PTPRK: variants seen among roughly 807,000 people sequenced by gnomAD.
PTPRK encodes receptor-type tyrosine-protein phosphatase kappa.
In PTPRK, 75 loss-of-function variants were observed where a neutral mutation model predicts 178.0. That is an observed-to-expected ratio of 0.42 (90% CI 0.35 to 0.51). PTPRK has a LOEUF of 0.51. Ranked by LOEUF, PTPRK falls within the 20% of genes least tolerant of loss-of-function variation. PTPRK has a pLI of 0.02. For synonymous variants in PTPRK, 637 were observed against 620.6 expected, an observed-to-expected ratio of 1.03 and a Z score of -0.39; for missense variants, 1,441 against 1,797.8, an observed-to-expected ratio of 0.80 and a Z score of 3.59.
At chr6:128,245,582 T>C (rs540068037) in intron 3 of PTPRK, among the ~76,000 whole-genome samples, 9 of 152,302 alleles carry the variant, frequency 5.9e-5, no homozygotes, top group East Asian at 1.9e-4. Context: ...TTTGTGACAA[T>C]TGATTTTACT....
chr6:128,303,078 C>T (rs1000481269), intron 3 of PTPRK, among the ~76,000 whole-genome samples: 3 of 152,204 alleles, frequency 2.0e-5, no homozygotes, highest in Non-Finnish European at 2.9e-5. Context: ...TGTCCGCCTT[C>T]CTTCCCTAAA....
chr6:128,069,583 A>G (rs1473166559), intron 11 of PTPRK, among the ~76,000 whole-genome samples: 1 of 152,212 alleles, frequency 6.6e-6, no homozygotes, highest in Non-Finnish European at 1.5e-5. Context: ...CCACATATGC[A>G]TATAAACTCC....
At chr6:128,014,951 T>C (rs1779441359) in intron 13 of PTPRK, among the ~76,000 whole-genome samples, 1 of 151,668 alleles carries the variant, frequency 6.6e-6, no homozygotes, top group Non-Finnish European at 1.5e-5. Context: ...GCTTTAACAG[T>C]AGTTGGAAAA....
chr6:128,176,901 C>T (rs560957288), intron 7 of PTPRK, among the ~76,000 whole-genome samples: 2 of 151,478 alleles, frequency 1.3e-5, no homozygotes, highest in Non-Finnish European at 3.0e-5. Flanking sequence ...CCCCAAAATG[C>T]TAATAATACC....
chr6:128,006,151 AAAAAT>A (rs971422673), intron 14 of PTPRK: 58 of 790,428 alleles, frequency 7.3e-5, no homozygotes, highest in African/African-American at 2.9e-4. Context: ...ATGTGCGTTA[AAAAAT>A]AAAATAAAAT....
Position 128,465,489 on chromosome 6 carries a change from TA to T in PTPRK, c.100+54769del, listed in dbSNP as rs541835992. Among the ~76,000 whole-genome samples the T allele has an allele frequency of 1.1e-3, 160 of 152,062 alleles. 1 individual carries two copies. Among genetic ancestry groups the T allele is most frequent in the African/African-American group, 3.4e-3 (140 of 41,498 alleles). On this transcript the variant is annotated intron_variant, in intron 1 of 29. Transcript: ENST00000368226. The stretch of plus-strand genomic sequence containing the variant: ...ACCAAATCTATTCATATACCATGTT[TA>T]AAAAAAATGTAAAAATTATGGAAAC...
At chr6:128,025,631 GGGCCC>G (rs1562456559) in intron 13 of PTPRK, among the ~76,000 whole-genome samples, 3 of 152,174 alleles carry the variant, frequency 2.0e-5, no homozygotes, top group Admixed American at 6.5e-5. Flanking sequence ...GGGAACTAGA[GGGCCC>G]CAAAGCAGTA....
At chr6:128,177,878 G>A (rs1277119444) in intron 7 of PTPRK, among the ~76,000 whole-genome samples, 1 of 151,600 alleles carries the variant, frequency 6.6e-6, no homozygotes, top group African/African-American at 2.4e-5. Context: ...ATATTCCCAT[G>A]AACCCCAGAG....
intron 6 of PTPRK, among the ~76,000 whole-genome samples, chr6:128,188,763 G>T (rs1803204426): frequency 6.6e-6 from 1 of 152,160 alleles, no homozygotes; most frequent in Admixed American, 6.6e-5. Context: ...GAGAAAATCA[G>T]TTGATTGAGT....
chr6:128,343,009 T>C (rs1179860526), intron 2 of PTPRK, among the ~76,000 whole-genome samples: 1 of 152,114 alleles, frequency 6.6e-6, no homozygotes, highest in Non-Finnish European at 1.5e-5. Flanking sequence ...GGGTAGAGAC[T>C]GCCTGAATTA....
intron 1 of PTPRK, among the ~76,000 whole-genome samples, chr6:128,411,856 G>T (rs916902281): frequency 1.3e-5 from 2 of 152,066 alleles, no homozygotes; most frequent in Non-Finnish European, 2.9e-5. Context: ...TTTATTTCTA[G>T]CCTTTCCCAC....
At chr6:128,264,085 G>A (rs1010026156) in intron 3 of PTPRK, among the ~76,000 whole-genome samples, 6 of 152,134 alleles carry the variant, frequency 3.9e-5, no homozygotes, top group African/African-American at 1.4e-4. Context: ...TGGCAGCAAA[G>A]CTAAAACATG....
intron 13 of PTPRK, among the ~76,000 whole-genome samples, chr6:128,056,110 T>C (rs1339202975): frequency 1.3e-5 from 2 of 151,784 alleles, no homozygotes; most frequent in Non-Finnish European, 2.9e-5. Flanking sequence ...AGCATAATAC[T>C]ATGGTTTTGG....
At chr6:128,287,654 T>C (rs993682888) in intron 3 of PTPRK, among the ~76,000 whole-genome samples, 8 of 152,138 alleles carry the variant, frequency 5.3e-5, no homozygotes, top group Non-Finnish European at 1.2e-4. Context: ...CCATTGCCCT[T>C]AACTTCTTGT....
At chr6:128,513,493 A>AAAAGAAAGAAAGAAAGAAAG (rs562818808) in intron 1 of PTPRK, among the ~76,000 whole-genome samples, 11 of 150,244 alleles carry the variant, frequency 7.3e-5, no homozygotes, top group African/African-American at 2.5e-4. Flanking sequence ...CAAAAAAAAA[A>AAAAGAAAGAAAGAAAGAAAG]AAAGAAAGAA....
intron 13 of PTPRK, among the ~76,000 whole-genome samples, chr6:128,027,537 G>A (rs563683684): frequency 6.6e-6 from 1 of 151,784 alleles, no homozygotes; most frequent in African/African-American, 2.4e-5. Context: ...CTTTCTAAAT[G>A]CCAAACTCTT....
At chr6:128,354,252 T>TTTTTTTTTTTTTTTTTTTTTTTTA (rs1833648746) in intron 2 of PTPRK, among the ~76,000 whole-genome samples, 1 of 131,530 alleles carries the variant, frequency 7.6e-6, no homozygotes, top group Non-Finnish European at 1.6e-5. Context: ...TTTTTTTTTT[T>TTTTTTTTTTTTTTTTTTTTTTTTA]TTTGAGACTG....
At chr6:128,139,626 C>T (rs1399144234) in intron 7 of PTPRK, among the ~76,000 whole-genome samples, 1 of 152,012 alleles carries the variant, frequency 6.6e-6, no homozygotes, top group African/African-American at 2.4e-5. Context: ...CTCCATCAAT[C>T]TCTGCCTCTC....
intron 6 of PTPRK, among the ~76,000 whole-genome samples, 194 bp downstream of exon 6, chr6:128,218,728 A>G (rs1809825152): frequency 6.6e-6 from 1 of 152,212 alleles, no homozygotes; most frequent in African/African-American, 2.4e-5. Context: ...ACTTACTAGA[A>G]ACTTCAAAAA....
Sources: allele counts gnomAD v4.1 joint callset (sites outside exome capture counted in the v4.1 genomes callset), GRCh38; gene constraint gnomAD v4.1.1; transcripts MANE v1.5; gene names NCBI Gene and HGNC (gene_info 2026-07-23, HGNC 2026-07-21).